The following SBF2 variants were observed in gnomAD, a reference collection of about 807,000 sequenced individuals.
The protein encoded by SBF2 is myotubularin-related protein 13.
Under a neutral mutation model 225.2 loss-of-function variants are expected in SBF2, and 112 were observed. That is an observed-to-expected ratio of 0.50 (90% confidence interval 0.43 to 0.58). The LOEUF (loss-of-function observed/expected upper bound fraction) is 0.58, where lower values mean the gene tolerates loss of function less well. Ranked by LOEUF, SBF2 falls within the 20% of genes least tolerant of loss-of-function variation. The pLI, the probability that SBF2 is intolerant of heterozygous loss-of-function variation, is 0.00. For missense variants in SBF2, 1,996 were observed against 2,206.2 expected, an observed-to-expected ratio of 0.90 and a Z score of 1.91; for synonymous variants, 763 against 773.3, an observed-to-expected ratio of 0.99 and a Z score of 0.22.
chr11:9,937,325 T>C (rs937577561), intron 16 of SBF2, among the ~76,000 whole-genome samples: 2 of 151,982 alleles, frequency 1.3e-5, no homozygotes, highest in African/African-American at 2.4e-5. Flanking sequence ...AATGCAATCA[T>C]GGATCAATGA....
At chr11:10,054,883 A>G (rs10840349) in intron 2 of SBF2, among the ~76,000 whole-genome samples, 69,409 of 151,218 alleles carry the variant, frequency 0.46, 16,266 homozygotes, top group Admixed American at 0.56. Flanking sequence ...CATTATTTTT[A>G]TTTGTTTGCA....
intron 1 of SBF2, among the ~76,000 whole-genome samples, chr11:10,285,359 G>GA (rs1006277131): frequency 1.3e-5 from 2 of 150,328 alleles, no homozygotes; most frequent in Admixed American, 6.6e-5. Context: ...GAGAGGGGAG[G>GA]AAAAAGGGAG....
chr11:9,792,480 T>C (rs970249496), intron 33 of SBF2, among the ~76,000 whole-genome samples: 1 of 151,868 alleles, frequency 6.6e-6, no homozygotes, highest in Non-Finnish European at 1.5e-5. Context: ...GTGGTTGAGA[T>C]TACTTACTCT....
At chr11:10,276,171 T>C (rs1962947832) in intron 1 of SBF2, among the ~76,000 whole-genome samples, 1 of 152,168 alleles carries the variant, frequency 6.6e-6, no homozygotes, top group South Asian at 2.1e-4. Flanking sequence ...CAACCATACT[T>C]TGCAACAAAA....
At chr11:9,932,006 C>CGATCAACTG (rs138606296) in intron 16 of SBF2, among the ~76,000 whole-genome samples, 42,647 of 151,762 alleles carry the variant, frequency 0.28, 6,981 homozygotes, top group African/African-American at 0.47. Flanking sequence ...ATACCCAATT[C>CGATCAACTG]GATCAACTGG....
chr11:9,785,360 CTT>C (rs1852302380), intron 36 of SBF2, 42 bp from the exon 37 acceptor site: 1 of 1,455,136 alleles, frequency 6.9e-7, no homozygotes, highest in East Asian at 2.3e-5. Context: ...TTTACAGACA[CTT>C]AAACTACTGA....
intron 2 of SBF2, among the ~76,000 whole-genome samples, chr11:10,049,416 G>A (rs748134533): frequency 6.6e-6 from 1 of 152,110 alleles, no homozygotes; most frequent in African/African-American, 2.4e-5. Flanking sequence ...AGACCAGCCT[G>A]GCCAACATGG....
Position 9,836,590 on chromosome 11 carries a change from T to C in SBF2, c.3455+2908A>G, listed in dbSNP as rs116384376. Among the ~76,000 whole-genome samples, 865 of 152,306 alleles carry C rather than the reference T, an allele frequency of 5.7e-3. 4 individuals carry two copies. The highest frequency in any genetic ancestry group is 0.019 in the African/African-American group (803 of 41,582). On this transcript the variant is annotated intron_variant, in intron 26 of 39. Transcript: ENST00000256190. The stretch of plus-strand genomic sequence containing the variant: ...TTGGCTACTCTGCCTTCCACATTTT[T>C]ATGTAACTCTTAGAATTACCTTTTC...
chr11:10,119,992 T>G (rs181258726), intron 2 of SBF2, among the ~76,000 whole-genome samples: 7 of 152,338 alleles, frequency 4.6e-5, no homozygotes, highest in Admixed American at 6.5e-5. Context: ...AATGTATAGT[T>G]CAGTAGTGTT....
At chr11:10,264,285 T>G (rs1360008833) in intron 1 of SBF2, among the ~76,000 whole-genome samples, 1 of 152,266 alleles carries the variant, frequency 6.6e-6, no homozygotes, top group East Asian at 1.9e-4. Context: ...GAAATAAAGC[T>G]CAGCTTCTCA....
intron 1 of SBF2, among the ~76,000 whole-genome samples, chr11:10,262,574 G>A (rs996607820): frequency 2.0e-5 from 3 of 152,124 alleles, no homozygotes; most frequent in Admixed American, 6.5e-5. Context: ...TCTCTGATGC[G>A]AGGGTAGAAA....
At chr11:10,054,034 T>A (rs1246263003) in intron 2 of SBF2, among the ~76,000 whole-genome samples, 1 of 152,162 alleles carries the variant, frequency 6.6e-6, no homozygotes, top group South Asian at 2.1e-4. Flanking sequence ...GAATAATGCA[T>A]GTCACATATA....
chr11:10,162,853 T>C (rs955527755), intron 2 of SBF2, among the ~76,000 whole-genome samples: 3 of 152,206 alleles, frequency 2.0e-5, no homozygotes, highest in Non-Finnish European at 4.4e-5. Flanking sequence ...GTTCTGTTTA[T>C]ATGTGGGGCT....
chr11:10,166,995 GCTA>G (rs1470607350), intron 2 of SBF2, among the ~76,000 whole-genome samples: 2 of 133,180 alleles, frequency 1.5e-5, no homozygotes, highest in Middle Eastern at 3.8e-3. Flanking sequence ...ACACAAAAAG[GCTA>G]CTAATTGAAA....
chr11:9,967,377 A>G (rs889351331), intron 14 of SBF2, among the ~76,000 whole-genome samples: 1 of 152,066 alleles, frequency 6.6e-6, no homozygotes, highest in Non-Finnish European at 1.5e-5. Flanking sequence ...GTCTCAAAAA[A>G]AAAAAAAAAA....
At chr11:10,286,796 C>T (rs900215915) in intron 1 of SBF2, among the ~76,000 whole-genome samples, 11 of 152,170 alleles carry the variant, frequency 7.2e-5, no homozygotes, top group African/African-American at 2.7e-4. Flanking sequence ...ATAACTGAAA[C>T]TCTCATACAT....
intron 1 of SBF2, among the ~76,000 whole-genome samples, chr11:10,200,515 T>C (rs1484421276): frequency 6.6e-6 from 1 of 152,224 alleles, no homozygotes; most frequent in Non-Finnish European, 1.5e-5. Context: ...GAGTTACTTT[T>C]GAATGAAACA....
chr11:9,800,680 TA>T (rs1853439421), intron 32 of SBF2, among the ~76,000 whole-genome samples: 1 of 152,154 alleles, frequency 6.6e-6, no homozygotes, highest in Non-Finnish European at 1.5e-5. Flanking sequence ...GTGCTGGGAT[TA>T]CAGGCGTGAG....
chr11:10,220,078 G>A (rs559962031), intron 1 of SBF2, among the ~76,000 whole-genome samples: 44 of 152,254 alleles, frequency 2.9e-4, no homozygotes, highest in African/African-American at 9.9e-4. Context: ...CAGAGACTGC[G>A]TAATTTAAAA....
Sources: allele counts gnomAD v4.1 joint callset (sites outside exome capture counted in the v4.1 genomes callset), GRCh38; gene constraint gnomAD v4.1.1; transcripts MANE v1.5; gene names NCBI Gene and HGNC (gene_info 2026-07-23, HGNC 2026-07-21).